NEGR1: variants seen among roughly 807,000 people sequenced by gnomAD.
The protein encoded by NEGR1 is neuronal growth regulator 1.
NEGR1 carries 10 observed loss-of-function variants against 40.9 expected under a neutral mutation model. That is an observed-to-expected ratio of 0.24 (90% CI 0.15 to 0.42). The LOEUF (loss-of-function observed/expected upper bound fraction) is 0.42, where lower values mean the gene tolerates loss of function less well. Among genes scored for constraint, NEGR1 ranks in the 10% least tolerant of loss-of-function variants. The pLI, the probability that NEGR1 is intolerant of heterozygous loss-of-function variation, is 1.00. For missense variants in NEGR1, 352 were observed against 438.9 expected (o/e 0.80, Z 1.77); for synonymous variants, 185 against 166.8 (o/e 1.11, Z -0.84).
intron 1 of NEGR1, chr1:72,274,740 A>G (rs1655979687): frequency 1.8e-6 from 2 of 1,107,292 alleles, no homozygotes; most frequent in Admixed American, 3.4e-5. Context: ...TAAAATCGGA[A>G]GGAGAAATTG....
At chr1:71,756,380 A>T (rs1185161459) in intron 3 of NEGR1, among the ~76,000 whole-genome samples, 3 of 147,680 alleles carry the variant, frequency 2.0e-5, no homozygotes, top group Non-Finnish European at 3.0e-5. Context: ...CTTAAATCAA[A>T]TGCCTCAAAA....
intron 6 of NEGR1, among the ~76,000 whole-genome samples, chr1:71,467,075 T>C (rs1453370371): frequency 6.6e-6 from 1 of 152,094 alleles, no homozygotes; most frequent in African/African-American, 2.4e-5. Flanking sequence ...TGTAGCAATG[T>C]TAAAAACATA....
At chr1:71,762,748 A>T (rs144715814) in intron 3 of NEGR1, among the ~76,000 whole-genome samples, 14 of 152,268 alleles carry the variant, frequency 9.2e-5, no homozygotes, top group African/African-American at 2.9e-4. Context: ...GTAAGTGTAC[A>T]CTCAAAGGAC....
chr1:71,674,727 A>G (rs994380171), intron 4 of NEGR1, among the ~76,000 whole-genome samples: 9 of 151,726 alleles, frequency 5.9e-5, no homozygotes, highest in Non-Finnish European at 1.2e-4. Flanking sequence ...TTCAATGAAC[A>G]ATGTTCTTTC....
intron 3 of NEGR1, among the ~76,000 whole-genome samples, chr1:71,700,307 A>G (rs1474220272): frequency 6.6e-6 from 1 of 152,008 alleles, no homozygotes; most frequent in Admixed American, 6.6e-5. Context: ...AGTGACACAT[A>G]TGAAACCCAG....
At chr1:72,225,532 C>A (rs1557586897) in intron 1 of NEGR1, among the ~76,000 whole-genome samples, 1 of 151,270 alleles carries the variant, frequency 6.6e-6, no homozygotes, top group African/African-American at 2.4e-5. Flanking sequence ...TACCAAAATT[C>A]TTCTAGCATT....
At chr1:71,743,431 C>T (rs1468103553) in intron 3 of NEGR1, among the ~76,000 whole-genome samples, 2 of 149,388 alleles carry the variant, frequency 1.3e-5, no homozygotes, top group South Asian at 2.1e-4. Flanking sequence ...CAAAGGCAGC[C>T]GGAGAAAAAA....
intron 3 of NEGR1, among the ~76,000 whole-genome samples, chr1:71,765,484 A>G (rs1276377403): frequency 6.6e-6 from 1 of 152,052 alleles, no homozygotes; most frequent in Non-Finnish European, 1.5e-5. Context: ...AATGGTTCCA[A>G]TTTTGATTAA....
At chr1:71,799,109 T>C (rs551855756) in intron 2 of NEGR1, among the ~76,000 whole-genome samples, 113 of 151,972 alleles carry the variant, frequency 7.4e-4, no homozygotes, top group Non-Finnish European at 1.3e-3. Context: ...GTTTATTACA[T>C]AGGTATACAT....
At chr1:72,075,247 T>C (rs1389239200) in intron 1 of NEGR1, among the ~76,000 whole-genome samples, 1 of 152,136 alleles carries the variant, frequency 6.6e-6, no homozygotes, top group Non-Finnish European at 1.5e-5. Flanking sequence ...AGCAAATAGA[T>C]GGTACAGTTT....
At chr1:71,463,741 G>A (rs1479357589) in intron 6 of NEGR1, among the ~76,000 whole-genome samples, 1 of 152,114 alleles carries the variant, frequency 6.6e-6, no homozygotes, top group Non-Finnish European at 1.5e-5. Context: ...ATTTCTTATT[G>A]TGAGATATTG....
intron 2 of NEGR1, among the ~76,000 whole-genome samples, chr1:71,807,405 A>C (rs188036750): frequency 4.7e-4 from 71 of 152,268 alleles, no homozygotes; most frequent in South Asian, 4.1e-4. Flanking sequence ...AACAATAAAA[A>C]ATAACAATAA....
At chr1:71,550,931 T>G (rs1318886480) in intron 6 of NEGR1, among the ~76,000 whole-genome samples, 1 of 151,626 alleles carries the variant, frequency 6.6e-6, no homozygotes, top group Non-Finnish European at 1.5e-5. Flanking sequence ...ATAATGCATC[T>G]CTTAAGAATA....
At chr1:71,607,503 A>G (rs1421959412) in intron 5 of NEGR1, among the ~76,000 whole-genome samples, 1 of 152,152 alleles carries the variant, frequency 6.6e-6, no homozygotes, top group Non-Finnish European at 1.5e-5. Context: ...TCTGCCACTA[A>G]CTGTATGAAC....
chr1:71,521,465 G>A (rs1014614333), intron 6 of NEGR1, among the ~76,000 whole-genome samples: 2 of 151,942 alleles, frequency 1.3e-5, no homozygotes, highest in Non-Finnish European at 2.9e-5. Flanking sequence ...CATGCCTGAA[G>A]CCCTAAACAT....
intron 4 of NEGR1, among the ~76,000 whole-genome samples, chr1:71,636,425 A>C (rs1651153688): frequency 6.6e-6 from 1 of 152,058 alleles, no homozygotes; most frequent in South Asian, 2.1e-4. Context: ...TTTGAAGGCC[A>C]CAGATAATTA....
intron 1 of NEGR1, among the ~76,000 whole-genome samples, chr1:72,205,825 C>G (rs978530592): frequency 1.3e-5 from 2 of 148,764 alleles, no homozygotes; most frequent in Admixed American, 6.8e-5. Flanking sequence ...GCCTGGTAGG[C>G]CTGGCTACTC....
intron 3 of NEGR1, among the ~76,000 whole-genome samples, chr1:71,720,950 C>T (rs558913966): frequency 6.6e-6 from 1 of 152,174 alleles, no homozygotes; most frequent in Admixed American, 6.5e-5. Flanking sequence ...CTAGAGAAAA[C>T]ATCAGTCAGC....
At chr1:71,972,171 A>C (rs1479912552) in intron 1 of NEGR1, among the ~76,000 whole-genome samples, 2 of 152,216 alleles carry the variant, frequency 1.3e-5, no homozygotes, top group Non-Finnish European at 2.9e-5. Context: ...ATAGCAGTGC[A>C]GGCACTGTAG....
Sources: gnomAD v4.1 joint callset for allele counts (sites outside exome capture counted in the v4.1 genomes callset) on GRCh38, gnomAD v4.1.1 for gene constraint, MANE v1.5 for transcripts, NCBI Gene and HGNC (gene_info 2026-07-23, HGNC 2026-07-21) for gene names.